Variants in RNF11 observed in about 807,000 individuals in gnomAD.
RNF11 encodes the protein ring finger protein 11.
A neutral mutation model predicts 15.8 loss-of-function variants in RNF11; 4 were observed. That is an observed-to-expected ratio of 0.25 (90% CI 0.12 to 0.58). The LOEUF (loss-of-function observed/expected upper bound fraction) is 0.58. RNF11 is among the 20% of genes least tolerant of loss of function. The pLI is 0.91. For synonymous variants in RNF11, 68 were observed against 72.3 expected (o/e 0.94, Z 0.30); for missense variants, 139 against 194.4 (o/e 0.71, Z 1.70).
At chr1:51,264,995 A>G (rs1320627363) in intron 1 of RNF11, 1 of 152,140 alleles carries the variant, frequency 6.6e-6, no homozygotes, top group Non-Finnish European at 1.5e-5. Context: ...TTCGCATCAG[A>G]TCAGACCTTG....
chr1:51,238,796 C>T (rs939751617), intron 1 of RNF11, among the ~76,000 whole-genome samples: 1 of 152,118 alleles, frequency 6.6e-6, no homozygotes, highest in Non-Finnish European at 1.5e-5. Context: ...GGCACAATCT[C>T]ACTGCTTACT....
chr1:51,271,440 A>G lies in RNF11; in HGVS notation c.*118A>G. On this transcript the variant is annotated 3_prime_UTR_variant, in exon 3 of 3. Coordinates refer to ENST00000242719, the MANE Select transcript of RNF11 (RefSeq NM_014372.5). ...AGATCGTGCACAAAAGTTTCCTTAAAATTCCTGGATGGCTGCAGATGTTGG... is the reference window on the plus strand; with the variant it reads ...AGATCGTGCACAAAAGTTTCCTTAAGATTCCTGGATGGCTGCAGATGTTGG... The G allele has an allele frequency of 1.3e-6, 1 of 785,076 alleles. No individual in the cohort carries two copies. The highest frequency in any genetic ancestry group is 2.6e-5 in the South Asian group (1 of 38,208). The allele number at this position is 785,076 out of a possible 1,614,324, so 48.6% of individuals were successfully genotyped here.
At position 51,244,836 on chromosome 1, in the gene RNF11, G is replaced by A. The variant is rs2148065875; in HGVS notation, c.123+7957G>A. 3.3e-5 allele frequency among the ~76,000 whole-genome samples: 5 copies of A among 152,162 alleles called. 1 individual carries two copies. In the South Asian group the frequency reaches 1.0e-3, roughly 32 times the overall value. On this transcript the variant is annotated intron_variant, in intron 1 of 2. Transcript: ENST00000242719. ...TGCTTTAATAAAGGCTGATTTTTTG[G>A]CATTAAGATTGTATGCATCACTAAG...
At chr1:51,245,852 AACG>A (rs1646849328) in intron 1 of RNF11, among the ~76,000 whole-genome samples, 2 of 152,364 alleles carry the variant, frequency 1.3e-5, no homozygotes, top group South Asian at 4.1e-4. Context: ...CATATTTGCA[AACG>A]ACTTGAGGCA....
At position 51,272,778 on chromosome 1, in the gene RNF11, CTTA is replaced by C. The variant is rs1264547059; in HGVS notation, c.*1465_*1467del. 1.3e-5 allele frequency: 2 copies of C among 152,042 alleles called. No homozygotes were observed. The highest frequency in any genetic ancestry group is 6.5e-5 in the Admixed American group (1 of 15,268). 9.4% of individuals were successfully genotyped at this position (152,042 alleles called of 1,614,324 possible). On this transcript the variant is annotated 3_prime_UTR_variant, in exon 3 of 3. Coordinates refer to ENST00000242719, the MANE Select transcript of RNF11 (RefSeq NM_014372.5). ...TCTCAACCTAACATCAGAAGTGTTT[CTTA>C]TTATTATTTTATATTGAGTTGAATA...
intron 1 of RNF11, among the ~76,000 whole-genome samples, chr1:51,264,299 TATATATATATATATATATAC>T (rs1337107958): frequency 5.3e-5 from 5 of 94,824 alleles, no homozygotes; most frequent in African/African-American, 2.6e-4. Context: ...TATATATATA[TATATATATATATATATATAC>T]ACACACACAC....
intron 1 of RNF11, among the ~76,000 whole-genome samples, chr1:51,239,258 G>A (rs902372250): frequency 6.6e-6 from 1 of 152,114 alleles, no homozygotes; most frequent in Non-Finnish European, 1.5e-5. Context: ...TATGGAAACT[G>A]TGTTTGCCTT....
At chr1:51,250,708 C>A in intron 1 of RNF11, 1 of 1,240,452 alleles carries the variant, frequency 8.1e-7, no homozygotes, top group Non-Finnish European at 1.2e-6. Context: ...AATACAGTCT[C>A]CTTCCAGAGG....
intron 1 of RNF11, among the ~76,000 whole-genome samples, chr1:51,239,763 A>G (rs995717163): frequency 6.6e-6 from 1 of 152,184 alleles, no homozygotes; most frequent in Non-Finnish European, 1.5e-5. Context: ...AACAAATTAT[A>G]TGTAATTAAC....
intron 1 of RNF11, among the ~76,000 whole-genome samples, chr1:51,252,984 C>G (rs1309583080): frequency 6.6e-6 from 1 of 151,740 alleles, no homozygotes; most frequent in East Asian, 2.0e-4. Context: ...CCACCACGCG[C>G]GGCTAATTTT....
chr1:51,267,777 C>T (rs1417477424), intron 1 of RNF11, among the ~76,000 whole-genome samples: 1 of 152,352 alleles, frequency 6.6e-6, no homozygotes, highest in East Asian at 1.9e-4. Context: ...GTTGCCCAGG[C>T]TAGAGTACAG....
chr1:51,247,714 T>C (rs1447657721), intron 1 of RNF11, among the ~76,000 whole-genome samples: 6 of 152,232 alleles, frequency 3.9e-5, no homozygotes, highest in African/African-American at 1.4e-4. Flanking sequence ...TTCCTTATTT[T>C]GACAATGAAT....
At position 51,236,714 on chromosome 1, in the gene RNF11, G is replaced by A. The variant is rs1259494694; in HGVS notation, c.-43G>A. ...CGCGGAGTGTGCGAACGACCCCACC[G>A]CTGCTTTCTCCTCCCCCAGATCACG... On this transcript the variant is annotated 5_prime_UTR_variant, in exon 1 of 3. Coordinates refer to ENST00000242719, the MANE Select transcript of RNF11 (RefSeq NM_014372.5). 2 of 1,605,124 alleles carry A rather than the reference G, an allele frequency of 1.2e-6. No individual in the cohort carries two copies. The highest frequency in any genetic ancestry group is 1.3e-5 in the African/African-American group (1 of 74,426).
chr1:51,240,201 T>TTCCAC (rs1159474634), intron 1 of RNF11, among the ~76,000 whole-genome samples: 3 of 152,190 alleles, frequency 2.0e-5, no homozygotes, highest in Non-Finnish European at 2.9e-5. Context: ...TACCCCTTGT[T>TTCCAC]TCCACGCATG....
intron 1 of RNF11, among the ~76,000 whole-genome samples, chr1:51,261,795 C>G (rs1646931761): frequency 6.6e-6 from 1 of 152,056 alleles, no homozygotes; most frequent in African/African-American, 2.4e-5. Flanking sequence ...TCACACCATT[C>G]TCCTGCCTCA....
At position 51,255,885 on chromosome 1, in the gene RNF11, G is replaced by GA. The variant is rs535984498; in HGVS notation, c.124-14068dup. ...GCTTTATAAGTAAGGTTTGAAATCAGAAAGTGTGAGTCTTTTTTGTTGTTG... is the reference window on the plus strand; with the variant it reads ...GCTTTATAAGTAAGGTTTGAAATCAGAAAAGTGTGAGTCTTTTTTGTTGTTG... On this transcript the variant is annotated intron_variant, in intron 1 of 2. Transcript: ENST00000242719. Among the ~76,000 whole-genome samples, 288 of 152,306 alleles carry GA rather than the reference G, an allele frequency of 1.9e-3. 1 individual carries two copies. In the Middle Eastern group the frequency reaches 0.02, roughly 11 times the overall value.
At chr1:51,254,580 C>T (rs1413874098) in intron 1 of RNF11, among the ~76,000 whole-genome samples, 4 of 152,076 alleles carry the variant, frequency 2.6e-5, no homozygotes, top group East Asian at 3.9e-4. Flanking sequence ...CTGTCTCAGC[C>T]GCCTCCCAAG....
At chr1:51,237,740 A>T (rs1408371030) in intron 1 of RNF11, among the ~76,000 whole-genome samples, 2 of 152,192 alleles carry the variant, frequency 1.3e-5, no homozygotes, top group Non-Finnish European at 2.9e-5. Context: ...ATAATCCACA[A>T]TAGATGTGTG....
chr1:51,251,255 G>T, intron 1 of RNF11: 2 of 1,329,818 alleles, frequency 1.5e-6, no homozygotes, highest in Non-Finnish European at 2.1e-6. Context: ...CCAGGGACTT[G>T]ATCTTCATGT....
Sources: gnomAD v4.1 joint callset for allele counts (sites outside exome capture counted in the v4.1 genomes callset) on GRCh38, gnomAD v4.1.1 for gene constraint, MANE v1.5 for transcripts, NCBI Gene and HGNC (gene_info 2026-07-23, HGNC 2026-07-21) for gene names.